RANBP1: variants seen among roughly 807,000 people sequenced by gnomAD.
RANBP1 encodes the protein ran-specific GTPase-activating protein.
In RANBP1, 16 loss-of-function variants were observed where a neutral mutation model predicts 31.4. The observed-to-expected ratio is 0.51, with a 90% confidence interval of 0.34 to 0.77. RANBP1 has a LOEUF of 0.77. RANBP1 is among the 30% of genes least tolerant of loss of function. RANBP1 has a pLI of 0.01. For synonymous variants in RANBP1, 129 were observed against 140.5 expected (o/e 0.92, Z 0.58); for missense variants, 265 against 362.0 (o/e 0.73, Z 2.17).
At chr22:20,120,065 T>G (rs1602536570) in intron 2 of RANBP1, among the ~76,000 whole-genome samples, 1 of 152,180 alleles carries the variant, frequency 6.6e-6, no homozygotes, top group East Asian at 1.9e-4. Flanking sequence ...AAAATGAGGT[T>G]GTAGTTTTTC....
Position 20,119,120 on chromosome 22 carries a change from G to A in RANBP1, c.354G>A (p.Leu118=). 1 of 1,612,860 alleles carries A rather than the reference G, an allele frequency of 6.2e-7. No homozygotes were observed. The highest frequency in any genetic ancestry group is 1.7e-5 in the Admixed American group (1 of 60,010). The change falls in exon 2 of 6, where the codon CTG becomes CTA. Residue 118 remains leucine (L), a synonymous_variant. Coordinates refer to ENST00000430524, the MANE Select transcript of RANBP1 (RefSeq NM_001278639.2). ...TTCCTGAGCAAGAAATTAAAACACT[G>A]GAAGAAGATGAAGAGGAACTTTTTA... ...VSLPEQEIKT[L]EEDEEELFKM...
At position 20,122,217 on chromosome 22, in the gene RANBP1, A is replaced by G. The variant is rs527759400; in HGVS notation, c.384-47A>G. 8 of 1,595,624 alleles carry G rather than the reference A, an allele frequency of 5.0e-6. No individual in the cohort carries two copies. In the East Asian group the frequency reaches 1.8e-4, roughly 36 times the overall value. On this transcript the variant is annotated intron_variant, in intron 2 of 5. Coordinates refer to ENST00000430524, the MANE Select transcript of RANBP1 (RefSeq NM_001278639.2). Reference sequence around the variant, plus strand: ...CTGTGTCCTCCTGCGCAGGCCCTGCATGTGGGCTGCAGGTCTGCACTCTTA... The same window carrying G: ...CTGTGTCCTCCTGCGCAGGCCCTGCGTGTGGGCTGCAGGTCTGCACTCTTA...
At chr22:20,117,586 C>A in intron 1 of RANBP1, 1 of 1,399,530 alleles carries the variant, frequency 7.1e-7, no homozygotes, top group South Asian at 1.4e-5. Context: ...TACGAGTAGC[C>A]GCCGAGAGGC....
In RANBP1 at chr22:20,125,295, T is replaced by G. The variant is rs1021890689; in HGVS notation, c.542-13T>G. On this transcript the variant is annotated splice_polypyrimidine_tract_variant and intron_variant, in intron 3 of 5. Transcript: ENST00000430524. ...AGTCATCTCACCATCTTCACGAGCT[T>G]CTCTCTCTTCAGTCACGCCGATGAT... 4 of 1,611,284 alleles carry G rather than the reference T, an allele frequency of 2.5e-6. No homozygotes were observed. The highest frequency in any genetic ancestry group is 2.7e-5 in the African/African-American group (2 of 74,844).
intron 2 of RANBP1, among the ~76,000 whole-genome samples, chr22:20,121,139 G>A (rs1283758721): frequency 6.6e-6 from 1 of 152,106 alleles, no homozygotes; most frequent in African/African-American, 2.4e-5. Flanking sequence ...ATTTTTAGTA[G>A]AGATGGGGTT....
intron 4 of RANBP1, 47 bp downstream of exon 4, chr22:20,125,483 G>A (rs375185854): frequency 6.4e-6 from 10 of 1,562,712 alleles, no homozygotes; most frequent in African/African-American, 5.4e-5. Flanking sequence ...GCTCACCTGC[G>A]TGGCAGCGTG....
intron 5 of RANBP1, 135 bp from the exon 6 acceptor site, chr22:20,126,817 G>A (rs1036543139): frequency 7.3e-6 from 10 of 1,364,488 alleles, no homozygotes; most frequent in Non-Finnish European, 1.0e-5. Flanking sequence ...GAGGCGGCTT[G>A]GCCAGGCAGG....
intron 3 of RANBP1, 71 bp downstream of exon 3, chr22:20,122,492 C>G: frequency 1.2e-6 from 2 of 1,607,188 alleles, no homozygotes; most frequent in African/African-American, 2.7e-5. Flanking sequence ...AGATTCAGGG[C>G]TGATTGGGAA....
chr22:20,122,649 CG>C, intron 3 of RANBP1: 1 of 1,474,550 alleles, frequency 6.8e-7, no homozygotes, highest in Non-Finnish European at 9.1e-7. Flanking sequence ...GTCAGCCAGA[CG>C]GGCCCTGATG....
chr22:20,123,318 G>T (rs1421677123), intron 3 of RANBP1, among the ~76,000 whole-genome samples: 2 of 105,694 alleles, frequency 1.9e-5, no homozygotes, highest in Non-Finnish European at 3.8e-5. Flanking sequence ...GTGTGGTTGG[G>T]TGTGTGTGGT....
chr22:20,117,939 G>A (rs1182636787), intron 1 of RANBP1: 1 of 1,010,016 alleles, frequency 9.9e-7, no homozygotes, highest in African/African-American at 1.7e-5. Flanking sequence ...CCGTCGCCAC[G>A]CGGGACGGCC....
intron 3 of RANBP1, among the ~76,000 whole-genome samples, chr22:20,123,686 T>TG (rs546067561): frequency 6.6e-6 from 1 of 151,964 alleles, no homozygotes; most frequent in African/African-American, 2.4e-5. Flanking sequence ...TAGAGGCCCT[T>TG]GGGCAGGTTC....
At chr22:20,125,223 G>A in intron 3 of RANBP1, 85 bp from the exon 4 acceptor site, 2 of 1,524,550 alleles carry the variant, frequency 1.3e-6, no homozygotes, top group Non-Finnish European at 1.8e-6. Context: ...CCTCAGGTTG[G>A]TGAGCAGGGT....
chr22:20,118,106 A>G lies in RANBP1; in HGVS notation c.247-907A>G, dbSNP rs989567953. The G allele has an allele frequency of 1.1e-5, 11 of 1,000,194 alleles. No homozygotes were observed. The African/African-American group carries it at 1.9e-4, about 17-fold the overall frequency. The allele number at this position is 1,000,194 out of a possible 1,614,324, so 62.0% of individuals were successfully genotyped here. A position where few individuals can be genotyped will look rare whatever the true frequency, so the allele number is the denominator to read the frequency against. The stretch of plus-strand genomic sequence containing the variant: ...AACCGCCACTGGCCTCTGTGGCAGA[A>G]GCTCGCGTTCCAGCGTGGGGCACAG... On this transcript the variant is annotated intron_variant, in intron 1 of 5. Coordinates refer to ENST00000430524, the MANE Select transcript of RANBP1 (RefSeq NM_001278639.2).
chr22:20,122,195 T>C (rs1271214112), intron 2 of RANBP1, 69 bp from the exon 3 acceptor site: 12 of 1,551,732 alleles, frequency 7.7e-6, no homozygotes, highest in Non-Finnish European at 9.7e-6. Context: ...AGTTGTCCTG[T>C]GTCCTCCTGC....
At chr22:20,117,470 C>T (rs1469177699) in intron 1 of RANBP1, 37 of 1,191,260 alleles carry the variant, frequency 3.1e-5, no homozygotes, top group Non-Finnish European at 3.9e-5. Flanking sequence ...TTTTGAATCG[C>T]GGCGCGTTTC....
rs768759346 is a variant in RANBP1, at chr22:20,116,590, C to T, written c.246+160C>T. On this transcript the variant is annotated intron_variant, in intron 1 of 5. Coordinates refer to ENST00000430524, the MANE Select transcript of RANBP1 (RefSeq NM_001278639.2). ...CAGGGCACTGCTGCTCTCCTGGCCA[C>T]AGCTCTCCATGGGCTTCGGGCCCTG... is the stretch of plus-strand genomic sequence containing the variant. 3 of 1,554,948 alleles carry T rather than the reference C, an allele frequency of 1.9e-6. No individual in the cohort carries two copies. In the Admixed American group the frequency reaches 5.9e-5, roughly 31 times the overall value.
intron 1 of RANBP1, chr22:20,117,941 G>T: frequency 9.9e-7 from 1 of 1,009,678 alleles, no homozygotes; most frequent in Non-Finnish European, 1.2e-6. Context: ...GTCGCCACGC[G>T]GGACGGCCCC....
At position 20,122,276 on chromosome 22, in the gene RANBP1, G is replaced by C. The variant is rs765226868; in HGVS notation, c.396G>C (p.Leu132=). The change falls in exon 3 of 6, where the codon CTG becomes CTC. Residue 132 remains leucine (L), a synonymous_variant. Coordinates refer to ENST00000430524, the MANE Select transcript of RANBP1 (RefSeq NM_001278639.2). Reference sequence around the variant, plus strand: ...GCTTTTCTTGCAGGCGGGCAAAACTGTTCCGATTTGCCTCTGAGAACGATC... The same window carrying C: ...GCTTTTCTTGCAGGCGGGCAAAACTCTTCCGATTTGCCTCTGAGAACGATC... ...EEELFKMRAK[L]FRFASENDLP... The C allele has an allele frequency of 1.1e-5, 18 of 1,612,804 alleles. No individual in the cohort carries two copies. The highest frequency in any genetic ancestry group is 1.7e-5 in the Admixed American group (1 of 59,976).
Sources: allele counts gnomAD v4.1 joint callset (sites outside exome capture counted in the v4.1 genomes callset), GRCh38; gene constraint gnomAD v4.1.1; transcripts MANE v1.5; gene names NCBI Gene and HGNC (gene_info 2026-07-23, HGNC 2026-07-21).